FRY: variants seen among roughly 807,000 people sequenced by gnomAD.
FRY encodes the protein FRY microtubule binding protein, also known as protein furry homolog.
Under a neutral mutation model 348.4 loss-of-function variants are expected in FRY, and 128 were observed. The ratio of observed to expected loss-of-function variants is 0.37; its 90% CI spans 0.32 to 0.43. The LOEUF (loss-of-function observed/expected upper bound fraction) is 0.43. Ranked by LOEUF, FRY falls within the 20% of genes least tolerant of loss-of-function variation. The pLI, the probability that FRY is intolerant of heterozygous loss-of-function variation, is 1.00. For synonymous variants in FRY, 1,370 were observed against 1,374.7 expected, an observed-to-expected ratio of 1.00 and a Z score of 0.08; for missense variants, 2,736 against 3,695.2, an observed-to-expected ratio of 0.74 and a Z score of 6.73.
chr13:32,124,865 G>A lies in FRY; in HGVS notation c.706G>A (p.Ala236Thr), dbSNP rs757883030. ...GTATGCAGAAGTCATTGGAGTGTTG[G>A]CACAAGCCAAGTAAGTGAATGCCAG... Reference protein sequence around the residue: ...DLYAEVIGVLAQAKFPAVKKK... With the variant: ...DLYAEVIGVLTQAKFPAVKKK... The change falls in exon 7 of 61, where the codon GCA becomes ACA. Residue 236 changes from alanine (A) to threonine (T), a missense_variant. Ala to Thr is a moderately conservative substitution (Grantham distance 58). Around this residue, in one of 9 missense-constraint regions of FRY, gnomAD observed 309 missense variants for 418.1 expected, o/e 0.74. Transcript: ENST00000542859. 8 of 1,609,488 alleles carry A rather than the reference G, an allele frequency of 5.0e-6. No homozygotes were observed. Among genetic ancestry groups the A allele is most frequent in the Non-Finnish European group, 6.0e-6 (7 of 1,175,868 alleles).
chr13:32,294,365 T>A lies in FRY; in HGVS notation c.8581-3T>A. On this transcript the variant is annotated splice_region_variant and splice_polypyrimidine_tract_variant and intron_variant, in intron 59 of 60. Coordinates refer to ENST00000542859, the MANE Select transcript of FRY (RefSeq NM_023037.3). ...AGTTTAAAAAACATTTTTTTTTAAA[T>A]AGCTGCTGAATATGTCCAGGGAACT... The A allele has an allele frequency of 6.2e-7, 1 of 1,607,906 alleles. No individual in the cohort carries two copies. The highest frequency in any genetic ancestry group is 8.5e-7 in the Non-Finnish European group (1 of 1,174,452).
At chr13:32,173,631 T>G in intron 19 of FRY, 82 bp downstream of exon 19, 10 of 973,472 alleles carry the variant, frequency 1.0e-5, no homozygotes, top group Non-Finnish European at 1.7e-5. Flanking sequence ...AATGATGCAT[T>G]ACTATTTCAG....
chr13:32,032,744 C>T (rs1872307277), intron 1 of FRY, among the ~76,000 whole-genome samples: 3 of 152,230 alleles, frequency 2.0e-5, no homozygotes, highest in Admixed American at 2.0e-4. Flanking sequence ...CTCTATTTCA[C>T]TAACAGCCTT....
intron 1 of FRY, among the ~76,000 whole-genome samples, chr13:32,044,074 G>GA (rs373443621): frequency 9.3e-5 from 14 of 150,790 alleles, no homozygotes; most frequent in Middle Eastern, 3.4e-3. Flanking sequence ...ACCAAAAAAA[G>GA]AAAAAAAAGG....
chr13:32,180,901 A>G (rs1362277279), intron 23 of FRY, among the ~76,000 whole-genome samples: 5 of 151,776 alleles, frequency 3.3e-5, no homozygotes, highest in African/African-American at 9.7e-5. Flanking sequence ...TTGTTTGTTT[A>G]TTTTTTTGAG....
At chr13:32,039,490 A>G (rs990608886) in intron 1 of FRY, among the ~76,000 whole-genome samples, 7 of 84,884 alleles carry the variant, frequency 8.2e-5, no homozygotes, top group Non-Finnish European at 1.5e-4. Context: ...TCTCTCTCCC[A>G]CCTCCCCCCC....
At chr13:32,059,477 A>T (rs1045584190) in intron 1 of FRY, among the ~76,000 whole-genome samples, 16 of 150,154 alleles carry the variant, frequency 1.1e-4, no homozygotes, top group Non-Finnish European at 1.0e-4. Flanking sequence ...AAAAAAAAAA[A>T]TTTATAGAGA....
chr13:32,181,946 C>T (rs184644142), intron 23 of FRY, among the ~76,000 whole-genome samples: 4 of 152,218 alleles, frequency 2.6e-5, no homozygotes, highest in East Asian at 3.9e-4. Context: ...AGGAAATTAT[C>T]GATGTTATTC....
chr13:32,239,316 G>C lies in FRY; in HGVS notation c.6483G>C (p.Gln2161His). The change falls in exon 45 of 61, where the codon CAG becomes CAC. Residue 2161 changes from glutamine to histidine, a missense_variant. Coordinates refer to ENST00000542859, the MANE Select transcript of FRY (RefSeq NM_023037.3). The surrounding 1 kb of genome is among the most constrained non-coding windows in gnomAD (Gnocchi z 4.3). Reference sequence around the variant, plus strand: ...TTCAGCATTTTGAAAATCCCAATCAGTTCTGTAAGGATATAGCCGAAAGGA... The same window carrying C: ...TTCAGCATTTTGAAAATCCCAATCACTTCTGTAAGGATATAGCCGAAAGGA... The part of the protein sequence containing the change: ...QLIQHFENPN[Q>H]FCKDIAERIA... The C allele has an allele frequency of 1.9e-6, 3 of 1,610,506 alleles. No homozygotes were observed. Among genetic ancestry groups the C allele is most frequent in the Non-Finnish European group, 2.5e-6 (3 of 1,176,726 alleles).
intron 1 of FRY, among the ~76,000 whole-genome samples, chr13:32,074,794 T>G (rs1474804931): frequency 6.6e-6 from 1 of 152,254 alleles, no homozygotes; most frequent in African/African-American, 2.4e-5. Context: ...AAAGATTCTG[T>G]CAGGATCCTT....
intron 51 of FRY, among the ~76,000 whole-genome samples, chr13:32,260,940 C>T (rs996720682): frequency 1.3e-5 from 2 of 152,178 alleles, no homozygotes; most frequent in East Asian, 1.9e-4. Context: ...GCCAGTCTGG[C>T]CAACATAGTG....
At chr13:32,037,145 A>G (rs1872556957) in intron 1 of FRY, among the ~76,000 whole-genome samples, 1 of 152,048 alleles carries the variant, frequency 6.6e-6, no homozygotes, top group African/African-American at 2.4e-5. Flanking sequence ...TTTTCCGTCT[A>G]TTGCAAACAA....
intron 28 of FRY, among the ~76,000 whole-genome samples, chr13:32,192,486 G>T (rs1266660088): frequency 6.6e-6 from 1 of 151,616 alleles, no homozygotes; most frequent in African/African-American, 2.4e-5. Context: ...CTAATTTTTT[G>T]TATTTTTAGT....
At chr13:32,140,985 G>A (rs1231084787) in intron 11 of FRY, among the ~76,000 whole-genome samples, 1 of 151,868 alleles carries the variant, frequency 6.6e-6, no homozygotes, top group Non-Finnish European at 1.5e-5. Context: ...AATTTAAATG[G>A]TATAGTATAG....
intron 1 of FRY, among the ~76,000 whole-genome samples, chr13:32,064,138 A>G (rs953900884): frequency 1.5e-4 from 23 of 152,174 alleles, no homozygotes; most frequent in African/African-American, 5.6e-4. Context: ...AGAACCCTGG[A>G]TGACAGTAAA....
At chr13:32,154,959 A>T (rs1384018970) in intron 14 of FRY, among the ~76,000 whole-genome samples, 1 of 152,212 alleles carries the variant, frequency 6.6e-6, no homozygotes, top group Non-Finnish European at 1.5e-5. Flanking sequence ...CATCAGTAAC[A>T]GGTTCTGTGG....
intron 3 of FRY, among the ~76,000 whole-genome samples, chr13:32,107,058 A>G (rs1877598849): frequency 6.6e-6 from 1 of 152,226 alleles, no homozygotes; most frequent in Non-Finnish European, 1.5e-5. Flanking sequence ...CCAACTCTGT[A>G]AGAATAAACC....
intron 35 of FRY, 119 bp from the exon 36 acceptor site, chr13:32,218,630 G>A: frequency 1.6e-6 from 1 of 644,178 alleles, no homozygotes; most frequent in East Asian, 3.0e-5. Flanking sequence ...AGTGAGCCAA[G>A]ATCGCACCAC....
rs140201393 is a variant in FRY at position 32,201,675 on chromosome 13, G to C, written c.3747-266G>C. 2.9e-3 allele frequency among the ~76,000 whole-genome samples: 439 copies of C among 152,128 alleles called. 2 individuals are homozygous for C. The highest frequency in any genetic ancestry group is 0.01 in the African/African-American group (426 of 41,496). On this transcript the variant is annotated intron_variant, in intron 29 of 60. Transcript: ENST00000542859. The stretch of plus-strand genomic sequence containing the variant: ...ATAGACTTTTGTGTTCTTTTATCCT[G>C]GTGTCCCAGTATTTATGCATCAGAT...
Sources: gnomAD v4.1 joint callset for allele counts (sites outside exome capture counted in the v4.1 genomes callset) on GRCh38, gnomAD v4.1.1 for gene constraint, gnomAD v4.1.1 regional missense constraint, Gnocchi (gnomAD v3.1) non-coding constraint, MANE v1.5 for transcripts, NCBI Gene and HGNC (gene_info 2026-07-23, HGNC 2026-07-21) for gene names.